ACKR2: variants seen among roughly 807,000 people sequenced by gnomAD.
The protein encoded by ACKR2 is atypical chemokine receptor 2.
For missense variants in ACKR2, 457 were observed against 477.3 expected, an observed-to-expected ratio of 0.96 and a Z score of 0.40; for synonymous variants, 207 against 192.2, an observed-to-expected ratio of 1.08 and a Z score of -0.64.
At chr3:42,838,667 G>C (rs1427401265) in intron 2 of ACKR2, among the ~76,000 whole-genome samples, 1 of 152,120 alleles carries the variant, frequency 6.6e-6, no homozygotes. Context: ...TTAAGTATAC[G>C]CTTACCATTC....
chr3:42,863,146 TA>T (rs1559694362), intron 2 of ACKR2, among the ~76,000 whole-genome samples: 1 of 151,956 alleles, frequency 6.6e-6, no homozygotes, highest in African/African-American at 2.4e-5. Context: ...ACAAAGAACT[TA>T]AACAAATTTA....
Position 42,865,346 on chromosome 3 carries a change from G to A in ACKR2, c.844G>A (p.Gly282Arg), listed in dbSNP as rs762854358. ...TACGCTGTTGGACCTGCAAGTATTCGGGAACTGTGAGGTCAGCCAGCATCT... is the reference window on the plus strand; with the variant it reads ...TACGCTGTTGGACCTGCAAGTATTCAGGAACTGTGAGGTCAGCCAGCATCT... Reference protein sequence around the residue: ...LHTLLDLQVFGNCEVSQHLDY... With the variant: ...LHTLLDLQVFRNCEVSQHLDY... The change falls in exon 3 of 3, where the codon GGG becomes AGG. Residue 282 changes from glycine to arginine, a missense_variant. Gly to Arg is a moderately radical substitution (Grantham distance 125). Transcript: ENST00000422265. The A allele has an allele frequency of 1.2e-6, 2 of 1,614,162 alleles. No homozygotes were observed. Among genetic ancestry groups the A allele is most frequent in the Non-Finnish European group, 1.7e-6 (2 of 1,180,028 alleles).
intron 2 of ACKR2, among the ~76,000 whole-genome samples, chr3:42,854,147 A>G (rs896038535): frequency 6.6e-6 from 1 of 152,152 alleles, no homozygotes; most frequent in African/African-American, 2.4e-5. Context: ...GGTTTGGTCA[A>G]GCTCTGTGGG....
intron 2 of ACKR2, among the ~76,000 whole-genome samples, chr3:42,863,911 T>C (rs1439503795): frequency 6.6e-6 from 1 of 152,038 alleles, no homozygotes; most frequent in Non-Finnish European, 1.5e-5. Context: ...CTAATGTAAA[T>C]GACAGATTGA....
intron 2 of ACKR2, among the ~76,000 whole-genome samples, chr3:42,822,840 AAAACC>A (rs1177241304): frequency 6.7e-6 from 1 of 150,300 alleles, no homozygotes; most frequent in East Asian, 1.9e-4. Flanking sequence ...AAAAAAGAAT[AAAACC>A]AGTAACAGAA....
chr3:42,864,797 C>T lies in ACKR2; in HGVS notation c.295C>T (p.Leu99=), dbSNP rs778481167. Residue 99 remains leucine (L), a synonymous_variant, in exon 3 of 3, where the codon CTG becomes TTG. Transcript: ENST00000422265. ...AISNLLFLVT[L]PFWGISVAWH... Reference sequence around the variant, plus strand: ...CTCCAACCTTCTGTTTCTGGTGACACTGCCCTTCTGGGGCATCTCCGTGGC... The same window carrying T: ...CTCCAACCTTCTGTTTCTGGTGACATTGCCCTTCTGGGGCATCTCCGTGGC... The T allele has an allele frequency of 6.2e-7, 1 of 1,614,268 alleles. No individual in the cohort carries two copies. Among genetic ancestry groups the T allele is most frequent in the Admixed American group, 1.7e-5 (1 of 60,032 alleles).
intron 2 of ACKR2, among the ~76,000 whole-genome samples, chr3:42,832,135 C>T (rs1224713039): frequency 6.6e-6 from 1 of 152,154 alleles, no homozygotes; most frequent in Non-Finnish European, 1.5e-5. Flanking sequence ...GCACCAAGAA[C>T]AGCCTAATAC....
At position 42,830,188 on chromosome 3, in the gene ACKR2, C is replaced by G. The variant is rs114994679; in HGVS notation, c.-38+10477C>G. On this transcript the variant is annotated intron_variant, in intron 2 of 2. Transcript: ENST00000422265. ...ACCATGTGGCAATCATAGAGGGGGT[C>G]TTAGATAGTATTCCTGTATCAAAGG... is the stretch of plus-strand genomic sequence containing the variant. 3.4e-3 allele frequency among the ~76,000 whole-genome samples: 524 copies of G among 152,266 alleles called. 3 individuals are homozygous for G. Among genetic ancestry groups the G allele is most frequent in the African/African-American group, 0.012 (492 of 41,564 alleles).
At chr3:42,809,721 G>A (rs1020982858) in intron 1 of ACKR2, among the ~76,000 whole-genome samples, 189 bp downstream of exon 1, 2 of 152,064 alleles carry the variant, frequency 1.3e-5, no homozygotes, top group African/African-American at 2.4e-5. Flanking sequence ...AATTAGCCAG[G>A]CGTGGTGGCG....
At chr3:42,855,354 A>G (rs1254092456) in intron 2 of ACKR2, among the ~76,000 whole-genome samples, 1 of 152,142 alleles carries the variant, frequency 6.6e-6, no homozygotes, top group Non-Finnish European at 1.5e-5. Context: ...TTCCTTCCCA[A>G]TTTGCCTTAT....
In ACKR2 at chr3:42,842,985, CAA is replaced by C. The variant is rs199716542; in HGVS notation, c.-37-21464_-37-21463del. On this transcript the variant is annotated intron_variant, in intron 2 of 2. Transcript: ENST00000422265. ...GGGTGACAGAGTAAGACTCTGTCTC[CAA>C]AAAAAAAAAAAAAAAAGAAAGAAAT... Among the ~76,000 whole-genome samples, 354 of 80,818 alleles carry C rather than the reference CAA, an allele frequency of 4.4e-3. 3 individuals carry two copies. The highest frequency in any genetic ancestry group is 0.013 in the African/African-American group (208 of 15,666). The allele number at this position is 80,818 out of a possible 152,430, so 53.0% of individuals were successfully genotyped here.
At chr3:42,812,394 A>G (rs953401064) in intron 1 of ACKR2, among the ~76,000 whole-genome samples, 3 of 152,224 alleles carry the variant, frequency 2.0e-5, no homozygotes, top group African/African-American at 7.2e-5. Context: ...AATGCATTCT[A>G]AATTTTTTTC....
At position 42,865,282 on chromosome 3, in the gene ACKR2, C is replaced by T. The variant is rs1391613016; in HGVS notation, c.780C>T (p.Phe260=). 10 of 1,614,172 alleles carry T rather than the reference C, an allele frequency of 6.2e-6. No individual in the cohort carries two copies. In the South Asian group the frequency reaches 6.6e-5, roughly 11 times the overall value. ...KIAAALVVAF[F]VLWFPYNLTL... The stretch of plus-strand genomic sequence containing the variant: ...CTGCAGCCTTGGTGGTGGCCTTCTT[C>T]GTGCTATGGTTCCCATACAATCTCA... The change falls in exon 3 of 3, where the codon TTC becomes TTT. Residue 260 remains phenylalanine (F), a synonymous_variant. Transcript: ENST00000422265.
At chr3:42,846,451 A>G (rs933989644) in intron 2 of ACKR2, among the ~76,000 whole-genome samples, 7 of 152,276 alleles carry the variant, frequency 4.6e-5, no homozygotes, top group African/African-American at 1.7e-4. Context: ...ACCTGCAAAC[A>G]CCAACTTCCT....
intron 2 of ACKR2, among the ~76,000 whole-genome samples, chr3:42,828,721 G>C (rs1037403280): frequency 5.3e-5 from 8 of 152,084 alleles, no homozygotes; most frequent in African/African-American, 1.9e-4. Context: ...ATGATTTGGG[G>C]GGCTAATCAG....
intron 2 of ACKR2, chr3:42,841,792 G>A (rs1055312820): frequency 1.3e-5 from 2 of 152,312 alleles, no homozygotes; most frequent in East Asian, 1.9e-4. Flanking sequence ...GGGAACATAC[G>A]AAGAGTAATC....
intron 1 of ACKR2, among the ~76,000 whole-genome samples, chr3:42,814,239 A>G (rs1700726762): frequency 6.6e-6 from 1 of 152,256 alleles, no homozygotes; most frequent in Non-Finnish European, 1.5e-5. Flanking sequence ...GGTAACAAAC[A>G]TGCAACATCT....
At position 42,841,998 on chromosome 3, in the gene ACKR2, C is replaced by T. The variant is rs368383376; in HGVS notation, c.-38+22287C>T. Among the ~76,000 whole-genome samples, 24 of 151,896 alleles carry T rather than the reference C, an allele frequency of 1.6e-4. 3 individuals are homozygous for T. Among genetic ancestry groups the T allele is most frequent in the Admixed American group, 1.4e-3 (21 of 15,276 alleles). On this transcript the variant is annotated intron_variant, in intron 2 of 2. Transcript: ENST00000422265. Reference sequence around the variant, plus strand: ...GGCAAGTCTTCCTGATCTCTCTGTGCCTCAGTTCCTCATTTGTAAAATGGA... The same window carrying T: ...GGCAAGTCTTCCTGATCTCTCTGTGTCTCAGTTCCTCATTTGTAAAATGGA...
In ACKR2 at chr3:42,816,284, T is replaced by C. The variant is rs150848948; in HGVS notation, c.-118-3347T>C. On this transcript the variant is annotated intron_variant, in intron 1 of 2. Transcript: ENST00000422265. The stretch of plus-strand genomic sequence containing the variant: ...TTCCATAAAAATCATAAATATAAGA[T>C]GCTCACCATCAATATGGTGTACTTC... Among the ~76,000 whole-genome samples the C allele has an allele frequency of 2.1e-3, 324 of 151,974 alleles. 1 individual carries two copies. The highest frequency in any genetic ancestry group is 9.3e-3 in the East Asian group (48 of 5,170).
Sources: allele counts gnomAD v4.1 joint callset (sites outside exome capture counted in the v4.1 genomes callset), GRCh38; gene constraint gnomAD v4.1.1; transcripts MANE v1.5; gene names NCBI Gene and HGNC (gene_info 2026-07-23, HGNC 2026-07-21).